The following FHIT variants were observed in gnomAD, a reference collection of about 807,000 sequenced individuals.
The protein encoded by FHIT is fragile histidine triad diadenosine triphosphatase.
FHIT carries 19 observed loss-of-function variants against 17.9 expected under a neutral mutation model. The observed-to-expected ratio is 1.06, with a 90% CI of 0.74 to 1.56. FHIT has a LOEUF of 1.56. Among genes scored for constraint, FHIT ranks in the 40% most tolerant of loss-of-function variants. The pLI is 0.00. For synonymous variants in FHIT, 81 were observed against 69.7 expected, an observed-to-expected ratio of 1.16 and a Z score of -0.81; for missense variants, 248 against 189.2, an observed-to-expected ratio of 1.31 and a Z score of -1.82.
chr3:59,866,166 G>A (rs1180447021), intron 8 of FHIT, among the ~76,000 whole-genome samples: 2 of 152,156 alleles, frequency 1.3e-5, no homozygotes, highest in African/African-American at 2.4e-5. Context: ...CTTGCAGAGA[G>A]GACAGGGAAA....
intron 7 of FHIT, among the ~76,000 whole-genome samples, chr3:59,924,158 C>A (rs1334383609): frequency 6.6e-6 from 1 of 152,180 alleles, no homozygotes; most frequent in Non-Finnish European, 1.5e-5. Flanking sequence ...GATGGGCTGA[C>A]TTAAAAGCAA....
chr3:61,119,907 A>C (rs2036407261), intron 2 of FHIT, among the ~76,000 whole-genome samples: 1 of 152,182 alleles, frequency 6.6e-6, no homozygotes, highest in African/African-American at 2.4e-5. Flanking sequence ...CTATACCGCC[A>C]GCTTTTCTGA....
intron 5 of FHIT, among the ~76,000 whole-genome samples, chr3:60,301,414 T>C (rs1035715954): frequency 1.3e-5 from 2 of 152,186 alleles, no homozygotes; most frequent in Non-Finnish European, 2.9e-5. Context: ...AAGCTATAAT[T>C]ACTGACTAAA....
intron 3 of FHIT, among the ~76,000 whole-genome samples, chr3:61,032,184 T>C (rs985584977): frequency 3.3e-5 from 5 of 152,202 alleles, no homozygotes; most frequent in African/African-American, 1.2e-4. Flanking sequence ...GTAAATAATA[T>C]TCTGTCTGCT....
At chr3:61,116,354 C>A (rs1393664841) in intron 2 of FHIT, among the ~76,000 whole-genome samples, 1 of 152,118 alleles carries the variant, frequency 6.6e-6, no homozygotes, top group Non-Finnish European at 1.5e-5. Flanking sequence ...TGATGTGCCA[C>A]AAATGTGCCT....
At chr3:60,795,383 G>A (rs530099737) in intron 4 of FHIT, among the ~76,000 whole-genome samples, 58 of 151,846 alleles carry the variant, frequency 3.8e-4, no homozygotes, top group Non-Finnish European at 7.5e-4. Context: ...AATATGTTTG[G>A]GTAACTTATT....
At chr3:60,303,702 C>A (rs892357531) in intron 5 of FHIT, among the ~76,000 whole-genome samples, 1 of 152,098 alleles carries the variant, frequency 6.6e-6, no homozygotes, top group African/African-American at 2.4e-5. Context: ...GCTGAGCCAC[C>A]CCTTGGAGGT....
intron 2 of FHIT, among the ~76,000 whole-genome samples, chr3:61,143,644 T>A (rs565796676): frequency 6.6e-6 from 1 of 152,284 alleles, no homozygotes; most frequent in African/African-American, 2.4e-5. Flanking sequence ...GGCGGGTGGA[T>A]CACCTGAGGT....
intron 4 of FHIT, among the ~76,000 whole-genome samples, chr3:60,565,708 C>T (rs983118569): frequency 6.6e-6 from 1 of 152,176 alleles, no homozygotes; most frequent in Non-Finnish European, 1.5e-5. Flanking sequence ...TTTCAAAAAA[C>T]CAGCTCCTGG....
At chr3:60,236,375 A>G (rs1704797589) in intron 5 of FHIT, among the ~76,000 whole-genome samples, 1 of 151,552 alleles carries the variant, frequency 6.6e-6, no homozygotes, top group Non-Finnish European at 1.5e-5. Context: ...TCAAATAAAT[A>G]AAGGAATGAT....
intron 4 of FHIT, among the ~76,000 whole-genome samples, chr3:60,626,594 G>GT (rs373778103): frequency 3.6e-4 from 54 of 152,022 alleles, no homozygotes; most frequent in Non-Finnish European, 6.5e-4. Context: ...TTTCTGATAG[G>GT]TTTTTTAGTG....
chr3:60,322,523 C>T (rs894430511), intron 5 of FHIT, among the ~76,000 whole-genome samples: 4 of 152,198 alleles, frequency 2.6e-5, no homozygotes, highest in African/African-American at 9.6e-5. Context: ...GAGAGATTCA[C>T]TGACTTTTAC....
At chr3:59,853,728 G>A (rs897343982) in intron 8 of FHIT, among the ~76,000 whole-genome samples, 1 of 152,102 alleles carries the variant, frequency 6.6e-6, no homozygotes, top group African/African-American at 2.4e-5. Context: ...CAGACACAGA[G>A]ATATGGGGAC....
intron 3 of FHIT, among the ~76,000 whole-genome samples, chr3:60,969,910 G>T (rs1454013731): frequency 3.3e-5 from 5 of 152,108 alleles, no homozygotes; most frequent in African/African-American, 1.2e-4. Flanking sequence ...TATTGCCCAG[G>T]CTGGAGTGCA....
intron 2 of FHIT, among the ~76,000 whole-genome samples, chr3:61,155,584 A>T (rs1278247970): frequency 6.6e-6 from 1 of 152,144 alleles, no homozygotes; most frequent in East Asian, 1.9e-4. Flanking sequence ...TGCTTCATTC[A>T]TCTTCTCCTT....
intron 7 of FHIT, among the ~76,000 whole-genome samples, chr3:59,984,443 C>T (rs1281932753): frequency 5.3e-5 from 8 of 151,996 alleles, no homozygotes; most frequent in African/African-American, 1.4e-4. Flanking sequence ...TCTGAGTTTT[C>T]GCACTTACGA....
intron 5 of FHIT, among the ~76,000 whole-genome samples, chr3:60,178,917 G>C (rs913275577): frequency 1.3e-5 from 2 of 152,050 alleles, no homozygotes; most frequent in African/African-American, 4.8e-5. Context: ...GCTTGGGGAC[G>C]ATTTTCCCTT....
chr3:60,615,944 G>A (rs985887103), intron 4 of FHIT, among the ~76,000 whole-genome samples: 1 of 152,218 alleles, frequency 6.6e-6, no homozygotes, highest in African/African-American at 2.4e-5. Flanking sequence ...TTCTTTGGAA[G>A]TCAGACAAAT....
At chr3:60,852,947 A>T (rs1177195739) in intron 3 of FHIT, among the ~76,000 whole-genome samples, 2 of 152,170 alleles carry the variant, frequency 1.3e-5, no homozygotes, top group African/African-American at 4.8e-5. Flanking sequence ...ACATATAGGG[A>T]TATGAAACAC....
Sources: allele counts gnomAD v4.1 joint callset (sites outside exome capture counted in the v4.1 genomes callset), GRCh38; gene constraint gnomAD v4.1.1; transcripts MANE v1.5; gene names NCBI Gene and HGNC (gene_info 2026-07-23, HGNC 2026-07-21).